Variants in CDC42BPA observed in about 807,000 individuals in gnomAD.
CDC42BPA encodes the protein serine/threonine-protein kinase MRCK alpha.
In CDC42BPA, 80 loss-of-function variants were observed where a neutral mutation model predicts 223.5. The observed-to-expected ratio is 0.36, with a 90% CI of 0.30 to 0.43. CDC42BPA has a LOEUF of 0.43. Ranked by LOEUF, CDC42BPA falls within the 20% of genes least tolerant of loss-of-function variation. The pLI is 1.00. For missense variants in CDC42BPA, 1,743 were observed against 2,099.9 expected, an observed-to-expected ratio of 0.83 and a Z score of 3.32; for synonymous variants, 694 against 718.6, an observed-to-expected ratio of 0.97 and a Z score of 0.55.
At chr1:227,055,240 T>A (rs1370854509) in intron 21 of CDC42BPA, among the ~76,000 whole-genome samples, 1 of 152,204 alleles carries the variant, frequency 6.6e-6, no homozygotes, top group South Asian at 2.1e-4. Flanking sequence ...ATTTAAGTAT[T>A]TCATTTCTCG....
rs115256093 is a variant in CDC42BPA, at chr1:227,158,996, G to A, written c.693+1547C>T. ...TGCGCAATCGTGAGGAATACCTCAC[G>A]AGTTCATTTATGTCAGGGATAATAG... On this transcript the variant is annotated intron_variant, in intron 6 of 36. Transcript: ENST00000366766. Among the ~76,000 whole-genome samples, 585 of 152,256 alleles carry A rather than the reference G, an allele frequency of 3.8e-3. 2 individuals carry two copies. The highest frequency in any genetic ancestry group is 5.8e-3 in the Non-Finnish European group (392 of 68,018).
Position 227,030,429 on chromosome 1 carries a change from C to A in CDC42BPA, c.3817G>T (p.Val1273Phe). The change falls in exon 29 of 37, where the codon GTT (valine) becomes TTT (phenylalanine). Residue 1273 changes from valine (V) to phenylalanine (F), a missense_variant. This residue lies in a region of CDC42BPA where 678 missense variants were observed against 777.5 expected (regional missense o/e 0.87). Transcript: ENST00000366766. Reference sequence around the variant, plus strand: ...TTACCATCTTTGGTGACATGTACAACAAATAACCCTTCTTCGTTTCCCAAA... The same window carrying A: ...TTACCATCTTTGGTGACATGTACAAAAAATAACCCTTCTTCGTTTCCCAAA... ...IALGNEEGLFVVHVTKDEIIR... is the reference protein window; with the variant it reads ...IALGNEEGLFFVHVTKDEIIR... 6.3e-7 allele frequency: 1 copy of A among 1,596,878 alleles called. No homozygotes were observed. Among genetic ancestry groups the A allele is most frequent in the Non-Finnish European group, 8.5e-7 (1 of 1,172,184 alleles).
intron 4 of CDC42BPA, among the ~76,000 whole-genome samples, chr1:227,198,770 T>C (rs1671212528): frequency 6.6e-6 from 1 of 152,018 alleles, no homozygotes; most frequent in Non-Finnish European, 1.5e-5. Context: ...TTTTTTTTTT[T>C]TTGAGACCGA....
intron 2 of CDC42BPA, among the ~76,000 whole-genome samples, chr1:227,247,923 C>T (rs188445658): frequency 3.6e-4 from 54 of 151,940 alleles, no homozygotes; most frequent in Non-Finnish European, 7.1e-4. Context: ...AAAAATCAAG[C>T]AGAAATTCTA....
At chr1:227,143,239 A>G (rs1660023088) in intron 8 of CDC42BPA, among the ~76,000 whole-genome samples, 1 of 152,236 alleles carries the variant, frequency 6.6e-6, no homozygotes, top group South Asian at 2.1e-4. Context: ...ATGAAGATTC[A>G]AAGTCTGATA....
At chr1:227,247,199 CA>C (rs953896219) in intron 2 of CDC42BPA, among the ~76,000 whole-genome samples, 1 of 146,616 alleles carries the variant, frequency 6.8e-6, no homozygotes, top group Admixed American at 6.8e-5. Flanking sequence ...GACTTTGTCT[CA>C]AAAAAAAGCT....
At chr1:227,078,487 C>T (rs956330322) in intron 17 of CDC42BPA, among the ~76,000 whole-genome samples, 2 of 152,116 alleles carry the variant, frequency 1.3e-5, no homozygotes, top group Admixed American at 6.5e-5. Context: ...ATCTTATGGA[C>T]TAGCCTATTA....
intron 12 of CDC42BPA, among the ~76,000 whole-genome samples, chr1:227,115,515 CA>C (rs11355371): frequency 0.22 from 31,423 of 144,822 alleles, 3,279 homozygotes; most frequent in East Asian, 0.29. Flanking sequence ...ACCAGGTAGG[CA>C]AAAAAAAAAA....
At chr1:227,059,432 T>C (rs1436877625) in intron 21 of CDC42BPA, 3 of 1,552,776 alleles carry the variant, frequency 1.9e-6, no homozygotes, top group Non-Finnish European at 2.6e-6. Context: ...GAAAGGAGAA[T>C]AGGACATGTT....
intron 1 of CDC42BPA, among the ~76,000 whole-genome samples, chr1:227,286,025 A>C (rs1487188951): frequency 6.6e-6 from 1 of 152,142 alleles, no homozygotes; most frequent in African/African-American, 2.4e-5. Context: ...AGATTTCTGA[A>C]ATGCCTTCAG....
At chr1:227,008,817 C>A (rs1242882309) in intron 34 of CDC42BPA, among the ~76,000 whole-genome samples, 1 of 151,840 alleles carries the variant, frequency 6.6e-6, no homozygotes, top group Non-Finnish European at 1.5e-5. Flanking sequence ...GGTTCATCTA[C>A]CAAATTTGCA....
chr1:227,247,521 CTCAAAGAAAT>C (rs1481080871), intron 2 of CDC42BPA, among the ~76,000 whole-genome samples: 1 of 151,336 alleles, frequency 6.6e-6, no homozygotes, highest in African/African-American at 2.4e-5. Context: ...TTTGAGGAAA[CTCAAAGAAAT>C]TCAAGATAAC....
intron 1 of CDC42BPA, among the ~76,000 whole-genome samples, chr1:227,293,441 CTAT>C (rs2148669472): frequency 6.6e-6 from 1 of 151,212 alleles, no homozygotes; most frequent in South Asian, 2.1e-4. Flanking sequence ...CAATCTGTGA[CTAT>C]TATTATTTAT....
At chr1:227,176,203 T>C (rs117101129) in intron 5 of CDC42BPA, among the ~76,000 whole-genome samples, 16 of 152,252 alleles carry the variant, frequency 1.1e-4, no homozygotes, top group African/African-American at 2.4e-4. Flanking sequence ...TCTGCCCGCC[T>C]TGGCCTCTCA....
intron 35 of CDC42BPA, among the ~76,000 whole-genome samples, chr1:226,997,066 G>A (rs957019803): frequency 2.2e-4 from 34 of 152,156 alleles, no homozygotes; most frequent in African/African-American, 8.0e-4. Context: ...GGTAGAATTC[G>A]GCTGTGAATC....
intron 4 of CDC42BPA, among the ~76,000 whole-genome samples, chr1:227,199,120 T>C (rs1289532538): frequency 6.6e-6 from 1 of 152,160 alleles, no homozygotes; most frequent in Non-Finnish European, 1.5e-5. Flanking sequence ...TAAAAATAAT[T>C]TAAAAATGTA....
intron 21 of CDC42BPA, chr1:227,059,345 G>GGTACC: frequency 6.4e-7 from 1 of 1,552,252 alleles, no homozygotes; most frequent in Non-Finnish European, 8.7e-7. Flanking sequence ...GCCTCAGGAT[G>GGTACC]GGTACATAAA....
At chr1:227,112,238 A>G (rs1469989873) in intron 14 of CDC42BPA, 74 bp downstream of exon 14, 1 of 782,576 alleles carries the variant, frequency 1.3e-6, no homozygotes, top group East Asian at 2.7e-5. Flanking sequence ...AATACAGTAT[A>G]CAAGCTAACA....
chr1:227,016,057 C>A, intron 34 of CDC42BPA, 23 bp downstream of exon 34: 2 of 1,285,632 alleles, frequency 1.6e-6, no homozygotes, highest in African/African-American at 1.5e-5. Context: ...CCCTTTTTTA[C>A]ACTCACTCTT....
Sources: gnomAD v4.1 joint callset for allele counts (sites outside exome capture counted in the v4.1 genomes callset) on GRCh38, gnomAD v4.1.1 for gene constraint, gnomAD v4.1.1 regional missense constraint, MANE v1.5 for transcripts, NCBI Gene and HGNC (gene_info 2026-07-23, HGNC 2026-07-21) for gene names.